SBF2: variants seen among roughly 807,000 people sequenced by gnomAD.
SBF2 encodes the protein myotubularin-related protein 13.
SBF2 carries 112 observed loss-of-function variants against 225.2 expected under a neutral mutation model. The ratio of observed to expected loss-of-function variants is 0.50; its 90% CI spans 0.43 to 0.58. The LOEUF is 0.58. Ranked by LOEUF, SBF2 falls within the 20% of genes least tolerant of loss-of-function variation. The pLI is 0.00. For synonymous variants in SBF2, 763 were observed against 773.3 expected (o/e 0.99, Z 0.22); for missense variants, 1,996 against 2,206.2 (o/e 0.90, Z 1.91).
At chr11:10,234,800 A>G (rs1474210822) in intron 1 of SBF2, among the ~76,000 whole-genome samples, 3 of 152,230 alleles carry the variant, frequency 2.0e-5, no homozygotes, top group African/African-American at 7.2e-5. Flanking sequence ...CATCCAAAAC[A>G]GAAAGAACAA....
chr11:10,074,128 A>G (rs1046241951), intron 2 of SBF2, among the ~76,000 whole-genome samples: 1 of 152,228 alleles, frequency 6.6e-6, no homozygotes, highest in African/African-American at 2.4e-5. Flanking sequence ...CAGTAGGTAG[A>G]CAGGTATAAT....
At chr11:10,053,063 T>C (rs939642353) in intron 2 of SBF2, among the ~76,000 whole-genome samples, 18 of 152,296 alleles carry the variant, frequency 1.2e-4, no homozygotes, top group Admixed American at 9.8e-4. Flanking sequence ...ATTGTATATA[T>C]AGTTATGAAT....
chr11:9,993,867 A>C, intron 10 of SBF2, 54 bp downstream of exon 10: 1 of 1,482,514 alleles, frequency 6.7e-7, no homozygotes. Context: ...CAACCCTATA[A>C]ATAAAAATAC....
Position 10,177,588 on chromosome 11 carries a change from C to T in SBF2, c.141+16314G>A, listed in dbSNP as rs1182397288. 6.7e-5 allele frequency among the ~76,000 whole-genome samples: 10 copies of T among 148,928 alleles called. No homozygotes were observed. The Admixed American group carries it at 6.7e-4, about 10-fold the overall frequency. On this transcript the variant is annotated intron_variant, in intron 2 of 39. Coordinates refer to ENST00000256190, the MANE Select transcript of SBF2 (RefSeq NM_030962.4). The stretch of plus-strand genomic sequence containing the variant: ...GCCAAATCATGAGTGAACTCCCATT[C>T]ACAATTGCTTCAAAGAGAATAAAAT...
At chr11:9,915,573 T>C (rs1286925734) in intron 16 of SBF2, 1 of 152,142 alleles carries the variant, frequency 6.6e-6, no homozygotes, top group African/African-American at 2.4e-5. Context: ...AGTTTCAAAG[T>C]TGCTACTGTA....
intron 32 of SBF2, among the ~76,000 whole-genome samples, chr11:9,799,228 A>G (rs1853335773): frequency 6.6e-6 from 1 of 152,184 alleles, no homozygotes. Flanking sequence ...TACAAGTCAA[A>G]AAATGCTTTC....
chr11:9,832,506 G>A, intron 26 of SBF2, 86 bp from the exon 27 acceptor site: 1 of 914,534 alleles, frequency 1.1e-6, no homozygotes, highest in East Asian at 2.5e-5. Flanking sequence ...AGAAGAGGGA[G>A]ACAGAGAATA....
intron 32 of SBF2, among the ~76,000 whole-genome samples, chr11:9,800,573 A>AT (rs1328712510): frequency 4.7e-4 from 71 of 151,726 alleles, no homozygotes; most frequent in Admixed American, 5.9e-4. Context: ...CGCCCAGCTA[A>AT]TTTTTTTGTA....
chr11:9,860,960 G>A (rs1323462466), intron 17 of SBF2, among the ~76,000 whole-genome samples: 3 of 152,208 alleles, frequency 2.0e-5, no homozygotes, highest in Non-Finnish European at 1.5e-5. Flanking sequence ...CCTTTCTTCA[G>A]TATTTTTCAC....
chr11:10,302,831 C>A (rs984103267), intron 1 of SBF2: 1 of 153,010 alleles, frequency 6.5e-6, no homozygotes, highest in African/African-American at 2.4e-5. Context: ...GCGCCCCACC[C>A]CCCAGGACTG....
At chr11:9,808,294 A>G (rs1590131342) in intron 31 of SBF2, 109 bp from the exon 32 acceptor site, 1 of 970,770 alleles carries the variant, frequency 1.0e-6, no homozygotes, top group Non-Finnish European at 1.6e-6. Context: ...ATTTACCTGG[A>G]CAGCAAATTT....
intron 32 of SBF2, among the ~76,000 whole-genome samples, chr11:9,805,204 C>T (rs560139931): frequency 7.3e-5 from 11 of 151,694 alleles, no homozygotes; most frequent in Non-Finnish European, 1.3e-4. Flanking sequence ...CGAGATCACA[C>T]CACTACACTC....
chr11:10,008,238 A>G (rs929575209), intron 6 of SBF2, among the ~76,000 whole-genome samples: 11 of 152,326 alleles, frequency 7.2e-5, no homozygotes, highest in African/African-American at 2.6e-4. Flanking sequence ...TTAATAGATC[A>G]AGGCCCTCTT....
Position 9,852,744 on chromosome 11 carries a change from C to T in SBF2, c.2542G>A (p.Val848Ile), listed in dbSNP as rs754801054. The change falls in exon 21 of 40, where the codon GTA becomes ATA. Residue 848 changes from valine to isoleucine, a missense_variant. Transcript: ENST00000256190. ...KSLHCMIPGIVAMHIETLEAV... is the reference protein window; with the variant it reads ...KSLHCMIPGIIAMHIETLEAV... ...TCTAGGGTCTCAATGTGCATAGCTA[C>T]AATTCCTAGGATGAGTCAGAGTATT... The T allele has an allele frequency of 1.2e-6, 2 of 1,609,606 alleles. No homozygotes were observed.
chr11:9,967,971 C>CTCTCTCTCTCTCTCTATATATA lies in SBF2; in HGVS notation c.1600+369_1600+370insTATATATAGAGAGAGAGAGAGA, dbSNP rs1260685462. ...TGTCTCTCTCTCTCTCTCTCTCTCT[C>CTCTCTCTCTCTCTCTATATATA]TATATATATATATATATATAAAATA... On this transcript the variant is annotated intron_variant, in intron 14 of 39. Coordinates refer to ENST00000256190, the MANE Select transcript of SBF2 (RefSeq NM_030962.4). Among the ~76,000 whole-genome samples, 10 of 91,498 alleles carry CTCTCTCTCTCTCTCTATATATA rather than the reference C, an allele frequency of 1.1e-4. 1 individual carries two copies. Among genetic ancestry groups the CTCTCTCTCTCTCTCTATATATA allele is most frequent in the Admixed American group, 3.8e-4 (3 of 7,910 alleles). 60.0% of individuals were successfully genotyped at this position (91,498 alleles called of 152,430 possible). A position where few individuals can be genotyped will look rare whatever the true frequency, so the allele number is the denominator to read the frequency against.
intron 28 of SBF2, among the ~76,000 whole-genome samples, chr11:9,827,959 G>A (rs765157568): frequency 1.3e-5 from 2 of 152,176 alleles, no homozygotes; most frequent in Non-Finnish European, 2.9e-5. Flanking sequence ...ACAAGGCTAA[G>A]CTCATCTGTC....
At chr11:9,883,507 G>T (rs765579951) in intron 17 of SBF2, among the ~76,000 whole-genome samples, 11 of 152,092 alleles carry the variant, frequency 7.2e-5, no homozygotes, top group Non-Finnish European at 1.0e-4. Context: ...AACTCTCAAG[G>T]TTATGATTGT....
intron 3 of SBF2, among the ~76,000 whole-genome samples, chr11:10,042,553 TCACAGG>T: frequency 6.6e-6 from 1 of 152,290 alleles, no homozygotes; most frequent in South Asian, 2.1e-4. Flanking sequence ...GCAGGGAAAA[TCACAGG>T]TTCACCAAGA....
rs1377786733 is a variant in SBF2, at chr11:10,028,474, C to G, written c.597G>C (p.Val199=). Residue 199 remains valine, a synonymous_variant, in exon 6 of 40, where the codon GTG becomes GTC. Transcript: ENST00000256190. The part of the protein sequence containing the change: ...HDSLPITGTS[V]ALLFQQLGIQ... Reference sequence around the variant, plus strand: ...TACCCAATTGCTGGAACAGGAGAGCCACACTAGTGCCCGTGATAGGAAGAC... The same window carrying G: ...TACCCAATTGCTGGAACAGGAGAGCGACACTAGTGCCCGTGATAGGAAGAC... 1 of 1,612,086 alleles carries G rather than the reference C, an allele frequency of 6.2e-7. No homozygotes were observed.
Sources: allele counts gnomAD v4.1 joint callset (sites outside exome capture counted in the v4.1 genomes callset), GRCh38; gene constraint gnomAD v4.1.1; transcripts MANE v1.5; gene names NCBI Gene and HGNC (gene_info 2026-07-23, HGNC 2026-07-21).